Variants in GOLGA6L1 observed in about 807,000 individuals in gnomAD.
The protein encoded by GOLGA6L1 is golgin A6 family like 1, also known as golgin subfamily A member 6-like protein 1.
In GOLGA6L1, 2 loss-of-function variants were observed where a neutral mutation model predicts 23.6. The observed-to-expected ratio is 0.08, with a 90% confidence interval of 0.03 to 0.27. The LOEUF (loss-of-function observed/expected upper bound fraction) is 0.27, where lower values mean the gene tolerates loss of function less well. GOLGA6L1 is among the 10% of genes least tolerant of loss of function. The pLI is 1.00. For synonymous variants in GOLGA6L1, 4 were observed against 49.8 expected (o/e 0.08, Z 3.87); for missense variants, 15 against 172.9 (o/e 0.09, Z 5.12).
intron 1 of GOLGA6L1, 106 bp from the exon 2 acceptor site, chr15:23,134,993 GCCA>G (rs2068253205): frequency 1.5e-5 from 2 of 133,146 alleles, no homozygotes; most frequent in Non-Finnish European, 2.6e-5. Flanking sequence ...CTGATTTAAT[GCCA>G]CCAACTGTAG....
At position 23,132,562 on chromosome 15, in the gene GOLGA6L1, C is replaced by CT. The variant is rs1450119807; in HGVS notation, c.579+676dup. ...TAGGAGACGGTTACCATTATTACCT[C>CT]TATTGTGTAGATGAAAAACATGCGG... On this transcript the variant is annotated intron_variant, in intron 5 of 8. Transcript: ENST00000614055. 2.0e-5 allele frequency among the ~76,000 whole-genome samples: 3 copies of CT among 149,338 alleles called. No individual in the cohort carries two copies. The East Asian group carries it at 5.9e-4, about 29-fold the overall frequency.
chr15:23,129,770 T>C lies in GOLGA6L1; in HGVS notation c.1683A>G (p.Gln561=), dbSNP rs777965415. Residue 561 remains glutamine, a synonymous_variant, in exon 8 of 9, where the codon CAA becomes CAG. Coordinates refer to ENST00000614055, the MANE Select transcript of GOLGA6L1 (RefSeq NM_001001413.3). ...CCTGCCTCCGCATCTTCTCCTGTTC[T>C]TGCATCTTCTCTTCCTGCTCCCCCA... The part of the protein sequence containing the change: ...EKMGEQEEKM[Q]EQEKMRRQEE... The C allele has an allele frequency of 1.1e-3, 726 of 650,118 alleles. 1 individual carries two copies. The African/African-American group carries it at 0.015, about 13-fold the overall frequency. The allele number at this position is 650,118 out of a possible 1,614,324, so 40.3% of individuals were successfully genotyped here. A position where few individuals can be genotyped will look rare whatever the true frequency, so the allele number is the denominator to read the frequency against.
At chr15:23,132,560 C>A (rs1330861642) in intron 5 of GOLGA6L1, among the ~76,000 whole-genome samples, 1 of 149,250 alleles carries the variant, frequency 6.7e-6, no homozygotes, top group African/African-American at 2.5e-5. Context: ...CCATTATTAC[C>A]TCTATTGTGT....
At chr15:23,130,853 AC>A (rs1315993422) in intron 7 of GOLGA6L1, among the ~76,000 whole-genome samples, 181 bp from the exon 8 acceptor site, 3 of 71,366 alleles carry the variant, frequency 4.2e-5, no homozygotes, top group Non-Finnish European at 8.7e-5. Context: ...ACACAGTGAA[AC>A]CCCGTCTCTA....
At chr15:23,132,433 ATATTGT>A (rs1246841478) in intron 5 of GOLGA6L1, among the ~76,000 whole-genome samples, 1 of 147,604 alleles carries the variant, frequency 6.8e-6, no homozygotes, top group Non-Finnish European at 1.5e-5. Context: ...CGATCAGATA[ATATTGT>A]TATTGTTATT....
At position 23,136,664 on chromosome 15, in the gene GOLGA6L1, G is replaced by A; in HGVS notation, c.68C>T (p.Thr23Ile). ...GGGATGGGTAGGGAGGTGGGGATGGGTAGGGAGGTGGGGATGGGTAGGGAG... is the reference window on the plus strand; with the variant it reads ...GGGATGGGTAGGGAGGTGGGGATGGATAGGGAGGTGGGGATGGGTAGGGAG... Reference protein sequence around the residue: ...PHLPTHPHLPTHPHLPTHPHL... With the variant: ...PHLPTHPHLPIHPHLPTHPHL... The change falls in exon 1 of 9, where the codon ACC becomes ATC. Residue 23 changes from threonine to isoleucine, a missense_variant. Around this residue, in one of 2 missense-constraint regions of GOLGA6L1, gnomAD observed 15 missense variants for 120.2 expected, o/e 0.12. Transcript: ENST00000614055. 1 of 264,466 alleles carries A rather than the reference G, an allele frequency of 3.8e-6. No individual in the cohort carries two copies. Among genetic ancestry groups the A allele is most frequent in the Non-Finnish European group, 6.1e-6 (1 of 164,722 alleles). 16.4% of individuals were successfully genotyped at this position (264,466 alleles called of 1,614,324 possible). A position where few individuals can be genotyped will look rare whatever the true frequency, so the allele number is the denominator to read the frequency against.
At chr15:23,130,882 T>A (rs1202581301) in intron 7 of GOLGA6L1, among the ~76,000 whole-genome samples, 1 of 64,046 alleles carries the variant, frequency 1.6e-5, no homozygotes, top group African/African-American at 4.9e-5. Context: ...TACAAAAAAA[T>A]TAGCCGGGTG....
chr15:23,136,617 G>C lies in GOLGA6L1; in HGVS notation c.115C>G (p.Leu39Val), dbSNP rs75449977. ...GTAGGGAGGTGGGGATGGGTAGGGA[G>C]GTGGGGATGGGTAGGGAGGTGGGGA... ...THPHLPTHPH[L>V]PTHPHLPTHP... Residue 39 changes from leucine to valine, a missense_variant, in exon 1 of 9, where the codon CTC becomes GTC. This residue lies in a region of GOLGA6L1 where 15 missense variants were observed against 120.2 expected (regional missense o/e 0.12). Coordinates refer to ENST00000614055, the MANE Select transcript of GOLGA6L1 (RefSeq NM_001001413.3). 0.29 allele frequency: 34,430 copies of C among 118,916 alleles called. 771 individuals are homozygous for C. Among genetic ancestry groups the C allele is most frequent in the East Asian group, 0.32 (4,723 of 14,908 alleles). The allele number at this position is 118,916 out of a possible 1,614,324, so 7.4% of individuals were successfully genotyped here. A position where few individuals can be genotyped will look rare whatever the true frequency, so the allele number is the denominator to read the frequency against.
chr15:23,130,944 T>C (rs1379131873), intron 7 of GOLGA6L1, among the ~76,000 whole-genome samples: 12 of 84,372 alleles, frequency 1.4e-4, no homozygotes, highest in Non-Finnish European at 2.4e-4. Flanking sequence ...GGCAGGAGAA[T>C]GGCGTGAAGC....
chr15:23,127,516 G>GATCGGCTGAGGCAGGTAT lies in GOLGA6L1; in HGVS notation c.*1273_*1274insATACCTGCCTCAGCCGAT, dbSNP rs1433041423. Among the ~76,000 whole-genome samples, 1 of 136,764 alleles carries GATCGGCTGAGGCAGGTAT rather than the reference G, an allele frequency of 7.3e-6. No individual in the cohort carries two copies. The highest frequency in any genetic ancestry group is 7.4e-5 in the Admixed American group (1 of 13,602). The allele number at this position is 136,764 out of a possible 152,430, so 89.7% of individuals were successfully genotyped here. ...GCACTTTGGGAGGCTGAGGCAGGTA[G>GATCGGCTGAGGCAGGTAT]ATCACCTGAGTCAGGAGCTCGAGAC... is the stretch of plus-strand genomic sequence containing the variant. On this transcript the variant is annotated 3_prime_UTR_variant, in exon 9 of 9. Coordinates refer to ENST00000614055, the MANE Select transcript of GOLGA6L1 (RefSeq NM_001001413.3).
Position 23,136,646 on chromosome 15 carries a change from G to A in GOLGA6L1, c.86C>T (p.Thr29Ile). The A allele has an allele frequency of 3.8e-6, 1 of 264,756 alleles. No homozygotes were observed. Among genetic ancestry groups the A allele is most frequent in the Non-Finnish European group, 6.1e-6 (1 of 164,934 alleles). 16.4% of individuals were successfully genotyped at this position (264,756 alleles called of 1,614,324 possible). A position where few individuals can be genotyped will look rare whatever the true frequency, so the allele number is the denominator to read the frequency against. ...GGGATGGGTAGGGAGGTGGGGATGGGTAGGGAGGTGGGGATGGGTAGGGAG... is the reference window on the plus strand; with the variant it reads ...GGGATGGGTAGGGAGGTGGGGATGGATAGGGAGGTGGGGATGGGTAGGGAG... ...PHLPTHPHLP[T>I]HPHLPTHPHL... Residue 29 changes from threonine (T) to isoleucine (I), a missense_variant, in exon 1 of 9, where the codon ACC (threonine) becomes ATC (isoleucine). Coordinates refer to ENST00000614055, the MANE Select transcript of GOLGA6L1 (RefSeq NM_001001413.3).
rs2068168240 is a variant in GOLGA6L1 at position 23,127,264 on chromosome 15, T to TG, written c.*1525dup. On this transcript the variant is annotated 3_prime_UTR_variant, in exon 9 of 9. Coordinates refer to ENST00000614055, the MANE Select transcript of GOLGA6L1 (RefSeq NM_001001413.3). The stretch of plus-strand genomic sequence containing the variant: ...CAATGTCCTCAGCATGTTCATCAGC[T>TG]GCTGGGGGAGTGCGGGACAGCATGA... 9.2e-5 allele frequency among the ~76,000 whole-genome samples: 2 copies of TG among 21,850 alleles called. No homozygotes were observed. Among genetic ancestry groups the TG allele is most frequent in the African/African-American group, 3.2e-4 (2 of 6,168 alleles). 14.3% of individuals were successfully genotyped at this position (21,850 alleles called of 152,430 possible).
At chr15:23,131,079 T>C (rs879374855) in intron 7 of GOLGA6L1, among the ~76,000 whole-genome samples, 1,842 of 122,608 alleles carry the variant, frequency 0.015, no homozygotes, top group Middle Eastern at 0.028. Flanking sequence ...ATGTAATCTA[T>C]AAAATAATGG....
intron 7 of GOLGA6L1, among the ~76,000 whole-genome samples, chr15:23,130,981 AGATT>A (rs1222223679): frequency 8.0e-6 from 1 of 124,326 alleles, no homozygotes; most frequent in Non-Finnish European, 1.7e-5. Context: ...CAGTGAGCCG[AGATT>A]GCGCCACTGC....
chr15:23,129,918 C>G lies in GOLGA6L1; in HGVS notation c.1535G>C (p.Arg512Pro). The stretch of plus-strand genomic sequence containing the variant: ...CCTCCACATCTTCTCCTCCTGCTCC[C>G]GTATCTTCTCCTCCTGGTCGTGCAT... ...EKMHDQEEKI[R>P]EQEEKMWRQE... is the part of the protein sequence containing the mutation. Residue 512 changes from arginine (R) to proline (P), a missense_variant, in exon 8 of 9, where the codon CGG becomes CCG. Arg to Pro is a moderately radical substitution (Grantham distance 103, BLOSUM62 -2). Coordinates refer to ENST00000614055, the MANE Select transcript of GOLGA6L1 (RefSeq NM_001001413.3). 1 of 736,422 alleles carries G rather than the reference C, an allele frequency of 1.4e-6. No homozygotes were observed. Among genetic ancestry groups the G allele is most frequent in the South Asian group, 1.6e-5 (1 of 61,434 alleles). 45.6% of individuals were successfully genotyped at this position (736,422 alleles called of 1,614,324 possible).
intron 5 of GOLGA6L1, among the ~76,000 whole-genome samples, chr15:23,132,466 T>C (rs76950033): frequency 0.014 from 1,933 of 142,384 alleles, 9 homozygotes; most frequent in Admixed American, 0.04. Flanking sequence ...AGTACTACCA[T>C]TGTTCGAACC....
intron 7 of GOLGA6L1, among the ~76,000 whole-genome samples, chr15:23,131,024 A>G (rs1217903310): frequency 2.9e-5 from 4 of 138,036 alleles, no homozygotes; most frequent in African/African-American, 1.0e-4. Flanking sequence ...GAGTGAGACT[A>G]CTTCTCAAAT....
Position 23,136,613 on chromosome 15 carries a change from G to A in GOLGA6L1, c.119C>T (p.Pro40Leu), listed in dbSNP as rs2068259345. 7.6e-6 allele frequency: 2 copies of A among 264,556 alleles called. No individual in the cohort carries two copies. Among genetic ancestry groups the A allele is most frequent in the Non-Finnish European group, 1.2e-5 (2 of 165,050 alleles). The allele number at this position is 264,556 out of a possible 1,614,324, so 16.4% of individuals were successfully genotyped here. ...HPHLPTHPHLPTHPHLPTHPM... is the reference protein window; with the variant it reads ...HPHLPTHPHLLTHPHLPTHPM... ...ATGGGTAGGGAGGTGGGGATGGGTA[G>A]GGAGGTGGGGATGGGTAGGGAGGTG... Residue 40 changes from proline (P) to leucine (L), a missense_variant, in exon 1 of 9, where the codon CCT (proline) becomes CTT (leucine). Around this residue, in one of 2 missense-constraint regions of GOLGA6L1, gnomAD observed 15 missense variants for 120.2 expected, o/e 0.12. Coordinates refer to ENST00000614055, the MANE Select transcript of GOLGA6L1 (RefSeq NM_001001413.3).
Position 23,136,712 on chromosome 15 carries a change from G to T in GOLGA6L1, c.20C>A (p.Pro7His). MLMWPQPHLPTHPHLPT... is the reference protein window; with the variant it reads MLMWPQHHLPTHPHLPT... ...GAGGTGGGGATGGGTAGGGAGGTGG[G>T]GTTGGGGCCACATCAGCATGATCCA... Residue 7 changes from proline (P) to histidine (H), a missense_variant, in exon 1 of 9, where the codon CCC (proline) becomes CAC (histidine). Pro to His is a moderately conservative substitution (Grantham distance 77). Transcript: ENST00000614055. 4.5e-6 allele frequency: 1 copy of T among 224,518 alleles called. No homozygotes were observed. Among genetic ancestry groups the T allele is most frequent in the Non-Finnish European group, 7.1e-6 (1 of 141,032 alleles). 13.9% of individuals were successfully genotyped at this position (224,518 alleles called of 1,614,324 possible). A position where few individuals can be genotyped will look rare whatever the true frequency, so the allele number is the denominator to read the frequency against.
Sources: gnomAD v4.1 joint callset for allele counts (sites outside exome capture counted in the v4.1 genomes callset) on GRCh38, gnomAD v4.1.1 for gene constraint, gnomAD v4.1.1 regional missense constraint, MANE v1.5 for transcripts, NCBI Gene and HGNC (gene_info 2026-07-23, HGNC 2026-07-21) for gene names.